Variants in ATXN8OS observed in about 807,000 individuals in gnomAD.
The protein encoded by ATXN8OS is ATXN8 opposite strand lncRNA, also known as ATXN8 opposite strand (non-protein coding).
At chr13:70,160,373 AT>A (rs1888992903) in intron 4 of ATXN8OS, among the ~76,000 whole-genome samples, 1 of 151,856 alleles carries the variant, frequency 6.6e-6, no homozygotes, top group Admixed American at 6.6e-5. Flanking sequence ...ACAGAAATGT[AT>A]TTCTCACAGC....
At chr13:70,141,566 T>C (rs1378290528) in intron 3 of ATXN8OS, among the ~76,000 whole-genome samples, 1 of 152,104 alleles carries the variant, frequency 6.6e-6, no homozygotes, top group Non-Finnish European at 1.5e-5. Flanking sequence ...AACCAATCTG[T>C]AAGAAATTTA....
chr13:70,112,253 C>T (rs909239011), intron 1 of ATXN8OS, among the ~76,000 whole-genome samples: 19 of 151,946 alleles, frequency 1.3e-4, no homozygotes, highest in African/African-American at 1.7e-4. Context: ...ACTCTAGCAC[C>T]GGGGATTATA....
intron 2 of ATXN8OS, among the ~76,000 whole-genome samples, chr13:70,125,803 T>G (rs1318216554): frequency 6.6e-6 from 1 of 152,168 alleles, no homozygotes; most frequent in Non-Finnish European, 1.5e-5. Flanking sequence ...AGCTGGTCTG[T>G]GCTGGCTTCT....
intron 3 of ATXN8OS, among the ~76,000 whole-genome samples, chr13:70,138,213 A>G (rs1593767531): frequency 6.6e-6 from 1 of 152,128 alleles, no homozygotes; most frequent in Non-Finnish European, 1.5e-5. Flanking sequence ...GACTATTGCA[A>G]TTTTAGACTT....
chr13:70,143,053 G>C (rs1420353544), intron 3 of ATXN8OS, among the ~76,000 whole-genome samples: 1 of 149,106 alleles, frequency 6.7e-6, no homozygotes, highest in Non-Finnish European at 1.5e-5. Context: ...AGCAACAACA[G>C]TGAAACTCCG....
rs4053601 is a variant in ATXN8OS, at chr13:70,124,934, GTTT to G, written n.399-4839_399-4837del. Among the ~76,000 whole-genome samples the G allele has an allele frequency of 2.9e-3, 412 of 141,428 alleles. 6 individuals carry two copies. Among genetic ancestry groups the G allele is most frequent in the African/African-American group, 9.5e-3 (365 of 38,514 alleles). 92.8% of individuals were successfully genotyped at this position (141,428 alleles called of 152,430 possible). On this transcript the variant is annotated intron_variant and non_coding_transcript_variant, in intron 2 of 4. Coordinates refer to ENST00000678624, the Ensembl canonical transcript of ATXN8OS. ...ATTCTACAATGTGTGTAATTTGAGG[GTTT>G]TTTTTTTTTTGGCTTGCATTCATTC... is the stretch of plus-strand genomic sequence containing the variant.
chr13:70,165,521 C>A (rs2479952), intron 4 of ATXN8OS, among the ~76,000 whole-genome samples: 1 of 151,632 alleles, frequency 6.6e-6, no homozygotes, highest in African/African-American at 2.4e-5. Flanking sequence ...ACTGGACTTC[C>A]GGCAAACATG....
At chr13:70,126,546 C>A (rs1388844355) in intron 2 of ATXN8OS, among the ~76,000 whole-genome samples, 1 of 151,704 alleles carries the variant, frequency 6.6e-6, no homozygotes, top group Non-Finnish European at 1.5e-5. Flanking sequence ...ACCTATCTAT[C>A]TGTGTATATA....
intron 3 of ATXN8OS, among the ~76,000 whole-genome samples, chr13:70,136,290 G>T (rs1038786737): frequency 2.0e-5 from 3 of 152,070 alleles, no homozygotes; most frequent in African/African-American, 4.8e-5. Flanking sequence ...TCAAAGTACA[G>T]GGATAGCCTC....
At chr13:70,159,631 A>G (rs1490968622) in intron 4 of ATXN8OS, among the ~76,000 whole-genome samples, 3 of 152,150 alleles carry the variant, frequency 2.0e-5, no homozygotes, top group Non-Finnish European at 4.4e-5. Context: ...AACCACCACC[A>G]CAATCAGAAT....
rs935100371 is a variant in ATXN8OS at position 70,139,398 on chromosome 13, G to A, written n.500-7957G>A. On this transcript the variant is annotated intron_variant and non_coding_transcript_variant, in intron 3 of 4. Coordinates refer to ENST00000678624, the Ensembl canonical transcript of ATXN8OS. Reference sequence around the variant, plus strand: ...TACTACTACTACTGCTGCTGCTGCTGCTGCTGCTGCTGCTGCTGCTGCTGC... The same window carrying A: ...TACTACTACTACTGCTGCTGCTGCTACTGCTGCTGCTGCTGCTGCTGCTGC... The A allele has an allele frequency of 5.3e-4, 324 of 610,648 alleles. 1 individual carries two copies. In the African/African-American group the frequency reaches 5.5e-3, roughly 10 times the overall value. 37.8% of individuals were successfully genotyped at this position (610,648 alleles called of 1,614,324 possible).
chr13:70,170,646 A>G (rs964533948), exon 5 of ATXN8OS, among the ~76,000 whole-genome samples: 1 of 152,208 alleles, frequency 6.6e-6, no homozygotes, highest in Admixed American at 6.6e-5. Flanking sequence ...TTTTTATGAT[A>G]TGCGAATAAA....
At chr13:70,164,385 C>A (rs1889053517) in intron 4 of ATXN8OS, among the ~76,000 whole-genome samples, 1 of 151,710 alleles carries the variant, frequency 6.6e-6, no homozygotes. Context: ...TTCTACCAAG[C>A]AGATAAGACA....
intron 3 of ATXN8OS, among the ~76,000 whole-genome samples, chr13:70,132,126 G>A (rs192502242): frequency 2.3e-4 from 35 of 151,842 alleles, no homozygotes; most frequent in Admixed American, 2.0e-3. Context: ...AAATACTTAG[G>A]GACATTATTT....
intron 4 of ATXN8OS, among the ~76,000 whole-genome samples, chr13:70,148,190 T>C (rs1888813912): frequency 6.6e-6 from 1 of 152,112 alleles, no homozygotes; most frequent in South Asian, 2.1e-4. Context: ...AAATCTTTTA[T>C]GGATCAGGAA....
intron 1 of ATXN8OS, among the ~76,000 whole-genome samples, chr13:70,113,760 A>C (rs1228735090): frequency 6.6e-6 from 1 of 152,124 alleles, no homozygotes; most frequent in African/African-American, 2.4e-5. Context: ...TTCTCTTTCC[A>C]TCTTGAGACA....
chr13:70,160,507 G>A (rs903716102), intron 4 of ATXN8OS, among the ~76,000 whole-genome samples: 8 of 151,308 alleles, frequency 5.3e-5, no homozygotes, highest in Non-Finnish European at 1.2e-4. Flanking sequence ...TAATTAATTT[G>A]GATAAAGTTT....
At chr13:70,136,595 AATC>A (rs1162795251) in intron 3 of ATXN8OS, among the ~76,000 whole-genome samples, 1 of 152,076 alleles carries the variant, frequency 6.6e-6, no homozygotes, top group Non-Finnish European at 1.5e-5. Context: ...GTATTCAGGA[AATC>A]ATCAAGACCG....
chr13:70,110,313 T>A (rs894935466), intron 1 of ATXN8OS, among the ~76,000 whole-genome samples: 2 of 152,102 alleles, frequency 1.3e-5, no homozygotes, highest in Non-Finnish European at 2.9e-5. Flanking sequence ...TATATAAGTT[T>A]GAAAAAATCA....
Sources: allele counts gnomAD v4.1 joint callset (sites outside exome capture counted in the v4.1 genomes callset), GRCh38; gene constraint gnomAD v4.1.1; transcripts MANE v1.5; gene names NCBI Gene and HGNC (gene_info 2026-07-23, HGNC 2026-07-21).